The following CADM2 variants were observed in gnomAD, a reference collection of about 807,000 sequenced individuals.
CADM2 encodes the protein immunoglobulin superfamily member 4D.
A neutral mutation model predicts 49.8 loss-of-function variants in CADM2; 12 were observed. The observed-to-expected ratio is 0.24, with a 90% CI of 0.15 to 0.39. CADM2 has a LOEUF of 0.39. Among genes scored for constraint, CADM2 ranks in the 10% least tolerant of loss-of-function variants. CADM2 has a pLI of 1.00. For missense variants in CADM2, 378 were observed against 492.3 expected, an observed-to-expected ratio of 0.77 and a Z score of 2.20; for synonymous variants, 214 against 175.4, an observed-to-expected ratio of 1.22 and a Z score of -1.74.
At chr3:85,514,331 C>T (rs2060843670) in intron 1 of CADM2, among the ~76,000 whole-genome samples, 2 of 151,968 alleles carry the variant, frequency 1.3e-5, no homozygotes, top group Non-Finnish European at 2.9e-5. Context: ...CAATAAAAAC[C>T]TACATAATTG....
intron 1 of CADM2, among the ~76,000 whole-genome samples, chr3:84,990,688 A>T (rs1275892467): frequency 2.6e-5 from 4 of 152,092 alleles, no homozygotes; most frequent in Admixed American, 1.3e-4. Context: ...AGGAGGTGGT[A>T]TCCCTTTACA....
At chr3:85,506,770 T>C (rs73126392) in intron 1 of CADM2, among the ~76,000 whole-genome samples, 34,034 of 152,024 alleles carry the variant, frequency 0.22, 4,173 homozygotes, top group East Asian at 0.3. Context: ...TTAACTGATA[T>C]ATACTTCATG....
intron 1 of CADM2, among the ~76,000 whole-genome samples, chr3:85,302,284 A>T (rs1179057392): frequency 1.3e-5 from 2 of 152,160 alleles, no homozygotes; most frequent in Middle Eastern, 3.4e-3. Flanking sequence ...TTAACACTTC[A>T]GCCTCTTTCC....
intron 1 of CADM2, among the ~76,000 whole-genome samples, chr3:85,578,555 A>G (rs1302071793): frequency 6.6e-6 from 1 of 152,202 alleles, no homozygotes; most frequent in Non-Finnish European, 1.5e-5. Context: ...TATGCAGGTC[A>G]AGCACTTGAA....
At chr3:85,646,764 G>T (rs974012332) in intron 1 of CADM2, among the ~76,000 whole-genome samples, 2 of 151,720 alleles carry the variant, frequency 1.3e-5, no homozygotes, top group Admixed American at 1.3e-4. Context: ...TGAAAACTAG[G>T]CCAGATTTAA....
intron 1 of CADM2, among the ~76,000 whole-genome samples, chr3:85,585,658 T>A (rs1446978288): frequency 6.6e-6 from 1 of 152,080 alleles, no homozygotes; most frequent in African/African-American, 2.4e-5. Flanking sequence ...GTAACAATTT[T>A]AAACATTTAT....
At chr3:85,483,105 G>T (rs2107631037) in intron 1 of CADM2, among the ~76,000 whole-genome samples, 1 of 151,410 alleles carries the variant, frequency 6.6e-6, no homozygotes, top group East Asian at 1.9e-4. Flanking sequence ...TGGGTTTTTT[G>T]AGTCATGTTT....
At chr3:85,347,608 A>AAAATATATATACATATATAT (rs1194687217) in intron 1 of CADM2, among the ~76,000 whole-genome samples, 25 of 95,820 alleles carry the variant, frequency 2.6e-4, no homozygotes, top group African/African-American at 7.0e-4. Flanking sequence ...CATATATATA[A>AAAATATATATACATATATAT]AAATATATAT....
chr3:86,071,815 A>G lies in CADM2; in HGVS notation c.*5032A>G, dbSNP rs1038319077. 1 of 152,012 alleles carries G rather than the reference A, an allele frequency of 6.6e-6. No homozygotes were observed. Among genetic ancestry groups the G allele is most frequent in the Non-Finnish European group, 1.5e-5 (1 of 67,906 alleles). The allele number at this position is 152,012 out of a possible 1,614,324, so 9.4% of individuals were successfully genotyped here. ...AGAATAGTCCTTCTCCTGCCTATTT[A>G]ATATTTCAATGTTAATATAATTGTA... On this transcript the variant is annotated 3_prime_UTR_variant, in exon 10 of 10. Coordinates refer to ENST00000383699, the MANE Select transcript of CADM2 (RefSeq NM_001167675.2).
intron 1 of CADM2, among the ~76,000 whole-genome samples, chr3:85,253,826 T>C (rs1485671877): frequency 6.6e-6 from 1 of 152,062 alleles, no homozygotes; most frequent in East Asian, 1.9e-4. Context: ...TTGAGGGGAA[T>C]TTAATAAAGA....
chr3:85,787,009 T>C (rs2108015873), intron 2 of CADM2, among the ~76,000 whole-genome samples: 1 of 152,198 alleles, frequency 6.6e-6, no homozygotes, highest in African/African-American at 2.4e-5. Context: ...AAATATATAT[T>C]TGAAAAAGAA....
chr3:85,819,812 A>G (rs1195282815), intron 3 of CADM2, among the ~76,000 whole-genome samples: 1 of 152,168 alleles, frequency 6.6e-6, no homozygotes, highest in Admixed American at 6.6e-5. Context: ...ATCAGAGGAC[A>G]AAACAGGCAA....
chr3:85,714,333 T>C (rs12714634), intron 1 of CADM2, among the ~76,000 whole-genome samples: 1 of 152,204 alleles, frequency 6.6e-6, no homozygotes, highest in African/African-American at 2.4e-5. Flanking sequence ...GAGTTTCACA[T>C]CACTCTCTAC....
intron 3 of CADM2, among the ~76,000 whole-genome samples, chr3:85,817,241 T>C (rs2073266591): frequency 6.8e-6 from 1 of 148,086 alleles, no homozygotes. Context: ...GAAGTACAAA[T>C]GGAAAGTAGG....
intron 1 of CADM2, among the ~76,000 whole-genome samples, chr3:85,324,797 ATCTTC>A (rs1174947794): frequency 2.0e-5 from 3 of 152,186 alleles, no homozygotes; most frequent in Non-Finnish European, 4.4e-5. Context: ...TCGTGTGGGT[ATCTTC>A]TCCCTATTGC....
chr3:85,578,999 G>A (rs535222354), intron 1 of CADM2, among the ~76,000 whole-genome samples: 7 of 152,242 alleles, frequency 4.6e-5, no homozygotes, highest in East Asian at 1.9e-4. Context: ...GGTTGTTGAC[G>A]TCTTATAGCT....
intron 2 of CADM2, among the ~76,000 whole-genome samples, chr3:85,781,400 C>T (rs900937955): frequency 6.6e-6 from 1 of 152,142 alleles, no homozygotes; most frequent in Non-Finnish European, 1.5e-5. Flanking sequence ...TCTACTTTCT[C>T]TTTCATAACA....
In CADM2 at chr3:85,897,063, G is replaced by A. The variant is rs184917012; in HGVS notation, c.529+10736G>A. Among the ~76,000 whole-genome samples, 3 of 152,050 alleles carry A rather than the reference G, an allele frequency of 2.0e-5. No homozygotes were observed. In the East Asian group the frequency reaches 5.8e-4, roughly 30 times the overall value. On this transcript the variant is annotated intron_variant, in intron 5 of 9. Transcript: ENST00000383699. ...AGACTAATAAGCAAAGCATTAATAGGTATTTAGGAAAGAAAGGAAGGGGCT... is the reference window on the plus strand; with the variant it reads ...AGACTAATAAGCAAAGCATTAATAGATATTTAGGAAAGAAAGGAAGGGGCT...
At chr3:85,011,349 G>C (rs2033986345) in intron 1 of CADM2, among the ~76,000 whole-genome samples, 1 of 152,066 alleles carries the variant, frequency 6.6e-6, no homozygotes, top group Non-Finnish European at 1.5e-5. Context: ...TTTAGATAGG[G>C]TGTCCAGCTA....
Sources: gnomAD v4.1 joint callset for allele counts (sites outside exome capture counted in the v4.1 genomes callset) on GRCh38, gnomAD v4.1.1 for gene constraint, MANE v1.5 for transcripts, NCBI Gene and HGNC (gene_info 2026-07-23, HGNC 2026-07-21) for gene names.